Variants in MAP2 observed in about 807,000 individuals in gnomAD.
The protein encoded by MAP2 is microtubule associated protein 2, also known as microtubule-associated protein 2.
A neutral mutation model predicts 137.6 loss-of-function variants in MAP2; 14 were observed. The ratio of observed to expected loss-of-function variants is 0.10; its 90% CI spans 0.07 to 0.16. The LOEUF (loss-of-function observed/expected upper bound fraction) is 0.16, where lower values mean the gene tolerates loss of function less well. Ranked by LOEUF, MAP2 falls within the 10% of genes least tolerant of loss-of-function variation. MAP2 has a pLI of 1.00. For synonymous variants in MAP2, 786 were observed against 782.3 expected, an observed-to-expected ratio of 1.00 and a Z score of -0.08; for missense variants, 2,088 against 2,191.5, an observed-to-expected ratio of 0.95 and a Z score of 0.94.
At chr2:209,433,489 G>T (rs1694876590) in intron 1 of MAP2, among the ~76,000 whole-genome samples, 1 of 152,054 alleles carries the variant, frequency 6.6e-6, no homozygotes, top group Non-Finnish European at 1.5e-5. Flanking sequence ...GGCCACATTG[G>T]TCCTTTTGAC....
intron 4 of MAP2, among the ~76,000 whole-genome samples, chr2:209,641,437 A>C (rs1038691243): frequency 2.0e-5 from 3 of 151,972 alleles, no homozygotes; most frequent in African/African-American, 7.3e-5. Flanking sequence ...TATGATTAGA[A>C]TTTTTTCTCC....
Position 209,696,264 on chromosome 2 carries a change from A to G in MAP2, c.4094A>G (p.Lys1365Arg). 6.2e-7 allele frequency: 1 copy of G among 1,610,874 alleles called. No individual in the cohort carries two copies. Among genetic ancestry groups the G allele is most frequent in the Non-Finnish European group, 8.5e-7 (1 of 1,179,090 alleles). The change falls in exon 8 of 16, where the codon AAG (lysine) becomes AGG (arginine). Residue 1365 changes from lysine to arginine, a missense_variant. This residue lies in a region of MAP2 where 591 missense variants were observed against 642.6 expected (regional missense o/e 0.92). Coordinates refer to ENST00000682079, the MANE Select transcript of MAP2 (RefSeq NM_001375505.1). ...GAAGAGGTTGCACTTTCTGAATATAAGACAGAAACCTATGACGATTACAAA... is the reference window on the plus strand; with the variant it reads ...GAAGAGGTTGCACTTTCTGAATATAGGACAGAAACCTATGACGATTACAAA... ...EREEVALSEYKTETYDDYKDE... is the reference protein window; with the variant it reads ...EREEVALSEYRTETYDDYKDE...
chr2:209,718,181 A>T (rs541265523), intron 13 of MAP2, among the ~76,000 whole-genome samples: 2 of 152,126 alleles, frequency 1.3e-5, no homozygotes, highest in African/African-American at 4.8e-5. Flanking sequence ...GTAAATACTA[A>T]TTTTTAAAAA....
chr2:209,695,225 C>T lies in MAP2; in HGVS notation c.3055C>T (p.Leu1019Phe). The change falls in exon 8 of 16, where the codon CTT becomes TTT. Residue 1019 changes from leucine (L) to phenylalanine (F), a missense_variant. By Grantham distance (22) the Leu-to-Phe change is conservative. Around this residue, in one of 6 missense-constraint regions of MAP2, gnomAD observed 500 missense variants for 482.9 expected, o/e 1.04. Transcript: ENST00000682079. ...DASSEKAEKG[L>F]SSVPEIAEVE... is the part of the protein sequence containing the mutation. ...ATCCTCTGAGAAAGCAGAGAAGGGT[C>T]TTAGTTCAGTGCCAGAGATAGCTGA... 3 of 1,614,068 alleles carry T rather than the reference C, an allele frequency of 1.9e-6. No homozygotes were observed. Among genetic ancestry groups the T allele is most frequent in the Non-Finnish European group, 1.7e-6 (2 of 1,179,994 alleles).
intron 4 of MAP2, among the ~76,000 whole-genome samples, chr2:209,643,970 T>A (rs2094220491): frequency 6.6e-6 from 1 of 152,208 alleles, no homozygotes; most frequent in African/African-American, 2.4e-5. Context: ...TGTATTTTTA[T>A]CACTCCTCAT....
intron 1 of MAP2, among the ~76,000 whole-genome samples, chr2:209,496,758 C>A (rs1011959598): frequency 6.6e-6 from 1 of 152,126 alleles, no homozygotes; most frequent in African/African-American, 2.4e-5. Context: ...CTCTTGGCTC[C>A]TTTCTTCATC....
chr2:209,596,390 G>T lies in MAP2; in HGVS notation c.-107+16290G>T, dbSNP rs1327033990. ...ATGCAGCATGATGCATCTACAATTA[G>T]ATATATGACTGCTATTCATTCTTAT... On this transcript the variant is annotated intron_variant, in intron 3 of 15. Transcript: ENST00000682079. Among the ~76,000 whole-genome samples, 9 of 152,322 alleles carry T rather than the reference G, an allele frequency of 5.9e-5. No homozygotes were observed. The East Asian group carries it at 1.5e-3, about 26-fold the overall frequency.
At chr2:209,640,600 T>C (rs1463719260) in intron 4 of MAP2, among the ~76,000 whole-genome samples, 4 of 152,020 alleles carry the variant, frequency 2.6e-5, no homozygotes, top group African/African-American at 9.7e-5. Flanking sequence ...TTTACACTTA[T>C]ATTTGGAATG....
chr2:209,582,657 TGATAGATA>T (rs66881504), intron 3 of MAP2, among the ~76,000 whole-genome samples: 5,598 of 149,704 alleles, frequency 0.037, 230 homozygotes, highest in East Asian at 0.21. Context: ...GATAGATAGA[TGATAGATA>T]GATAGATAGA....
At chr2:209,542,087 A>G (rs2067150494) in intron 2 of MAP2, among the ~76,000 whole-genome samples, 1 of 152,258 alleles carries the variant, frequency 6.6e-6, no homozygotes, top group South Asian at 2.1e-4. Flanking sequence ...CGTGAAAGTC[A>G]AAATTACTCC....
intron 3 of MAP2, among the ~76,000 whole-genome samples, chr2:209,588,126 C>T (rs1481029776): frequency 6.6e-6 from 1 of 152,138 alleles, no homozygotes; most frequent in Non-Finnish European, 1.5e-5. Context: ...GTGTATGTGT[C>T]AGTCTACTCT....
At chr2:209,722,291 C>A (rs900993463) in intron 13 of MAP2, among the ~76,000 whole-genome samples, 13 of 152,194 alleles carry the variant, frequency 8.5e-5, no homozygotes, top group African/African-American at 2.4e-4. Context: ...AATGATATTT[C>A]CCTGCAAGGG....
intron 2 of MAP2, among the ~76,000 whole-genome samples, chr2:209,540,607 C>T (rs1309151314): frequency 9.8e-6 from 1 of 101,954 alleles, no homozygotes; most frequent in Non-Finnish European, 1.7e-5. Context: ...CTCCAGCCTG[C>T]GTGACTGAGT....
intron 2 of MAP2, among the ~76,000 whole-genome samples, chr2:209,560,057 G>A (rs1278609836): frequency 6.6e-6 from 1 of 152,182 alleles, no homozygotes; most frequent in African/African-American, 2.4e-5. Flanking sequence ...GGAATAAGTA[G>A]GAGGTAGGAT....
At chr2:209,447,158 C>T (rs937114218) in intron 1 of MAP2, among the ~76,000 whole-genome samples, 1 of 151,956 alleles carries the variant, frequency 6.6e-6, no homozygotes, top group African/African-American at 2.4e-5. Context: ...AAATTGTGGC[C>T]TTCTTTGGTG....
At position 209,502,875 on chromosome 2, in the gene MAP2, T is replaced by C. The variant is rs193302609; in HGVS notation, c.-221-4717T>C. Among the ~76,000 whole-genome samples the C allele has an allele frequency of 1.7e-4, 26 of 152,322 alleles. No homozygotes were observed. The East Asian group carries it at 4.2e-3, about 25-fold the overall frequency. On this transcript the variant is annotated intron_variant, in intron 1 of 15. Transcript: ENST00000682079. ...CTTTTCATAAACTTGTTAGCCATTG[T>C]CATGTCTTCTTTGGAAAAATGTCTA... is the stretch of plus-strand genomic sequence containing the variant.
intron 1 of MAP2, among the ~76,000 whole-genome samples, chr2:209,452,502 C>T (rs1700549597): frequency 6.6e-6 from 1 of 152,168 alleles, no homozygotes; most frequent in African/African-American, 2.4e-5. Flanking sequence ...TTTATGGTAT[C>T]CTGAGGCATA....
At position 209,695,804 on chromosome 2, in the gene MAP2, A is replaced by G; in HGVS notation, c.3634A>G (p.Ile1212Val). 6.2e-7 allele frequency: 1 copy of G among 1,614,102 alleles called. No homozygotes were observed. ...AAGCAAAGAGACCCCAGATATATCCATCACGCCTTCTGATGTTGCAGAGCC... is the reference window on the plus strand; with the variant it reads ...AAGCAAAGAGACCCCAGATATATCCGTCACGCCTTCTGATGTTGCAGAGCC... ...EESKETPDISITPSDVAEPLH... is the reference protein window; with the variant it reads ...EESKETPDISVTPSDVAEPLH... Residue 1212 changes from isoleucine (I) to valine (V), a missense_variant, in exon 8 of 16, where the codon ATC becomes GTC. Transcript: ENST00000682079.
chr2:209,715,391 T>C (rs895442737), intron 13 of MAP2, among the ~76,000 whole-genome samples: 2 of 152,098 alleles, frequency 1.3e-5, no homozygotes, highest in African/African-American at 4.8e-5. Context: ...AAATATTTAT[T>C]GAGCACCTAC....
Sources: allele counts gnomAD v4.1 joint callset (sites outside exome capture counted in the v4.1 genomes callset), GRCh38; gene constraint gnomAD v4.1.1; regional missense constraint gnomAD v4.1.1; transcripts MANE v1.5; gene names NCBI Gene and HGNC (gene_info 2026-07-23, HGNC 2026-07-21).